Variants in HIKESHI observed in about 807,000 individuals in gnomAD.
The protein encoded by HIKESHI is protein Hikeshi.
HIKESHI carries 13 observed loss-of-function variants against 25.7 expected under a neutral mutation model. That is an observed-to-expected ratio of 0.51 (90% CI 0.33 to 0.80). HIKESHI has a LOEUF of 0.80. Among genes scored for constraint, HIKESHI ranks in the 30% least tolerant of loss-of-function variants. The probability of loss-of-function intolerance (pLI) is 0.02; values close to 1 mark genes in which losing one functional copy is unlikely to be tolerated. For synonymous variants in HIKESHI, 76 were observed against 78.7 expected (o/e 0.97, Z 0.18); for missense variants, 174 against 229.5 (o/e 0.76, Z 1.56).
chr11:86,340,133 C>T (rs1947685825), intron 3 of HIKESHI, among the ~76,000 whole-genome samples: 1 of 152,162 alleles, frequency 6.6e-6, no homozygotes, highest in Admixed American at 6.5e-5. Context: ...GCCACATTTT[C>T]TTAATCCAGT....
chr11:86,345,535 C>T, intron 4 of HIKESHI, 49 bp from the exon 5 acceptor site: 1 of 1,054,620 alleles, frequency 9.5e-7, no homozygotes, highest in Non-Finnish European at 1.4e-6. Context: ...AATGAAAGAT[C>T]CTATTTTAAT....
intron 1 of HIKESHI, 23 bp from the exon 2 acceptor site, chr11:86,306,222 G>A: frequency 6.5e-7 from 1 of 1,530,826 alleles, no homozygotes; most frequent in South Asian, 1.1e-5. Context: ...CCATTGAACT[G>A]AGACAAGTTT....
chr11:86,332,912 A>T (rs1385251820), intron 2 of HIKESHI, among the ~76,000 whole-genome samples: 2 of 152,262 alleles, frequency 1.3e-5, no homozygotes, highest in African/African-American at 4.8e-5. Flanking sequence ...ATTGCCCAAA[A>T]GATTATGCCA....
intron 2 of HIKESHI, among the ~76,000 whole-genome samples, chr11:86,309,359 C>G (rs1565721579): frequency 1.3e-5 from 2 of 152,132 alleles, no homozygotes; most frequent in African/African-American, 4.8e-5. Flanking sequence ...TGGCTACATA[C>G]ATGTCTTCTT....
At chr11:86,341,063 G>C (rs1947712244) in intron 3 of HIKESHI, among the ~76,000 whole-genome samples, 1 of 152,086 alleles carries the variant, frequency 6.6e-6, no homozygotes, top group Admixed American at 6.5e-5. Flanking sequence ...ATTTTTCCTA[G>C]TGTCTGTTAT....
rs763728939 is a variant in HIKESHI at position 86,337,362 on chromosome 11, A to G, written c.269-17A>G. 1.9e-6 allele frequency: 3 copies of G among 1,608,470 alleles called. No homozygotes were observed. The highest frequency in any genetic ancestry group is 3.4e-5 in the Admixed American group (2 of 59,056). On this transcript the variant is annotated splice_polypyrimidine_tract_variant and intron_variant, in intron 2 of 4. Coordinates refer to ENST00000278483, the MANE Select transcript of HIKESHI (RefSeq NM_016401.4). ...AAGTTTAATTTGAAATGTGTGTCAT[A>G]TGTTAATTTCTTGCAGGAGAAGGAA...
chr11:86,339,682 A>T (rs1203637187), intron 3 of HIKESHI, among the ~76,000 whole-genome samples: 1 of 152,188 alleles, frequency 6.6e-6, no homozygotes, highest in Non-Finnish European at 1.5e-5. Context: ...ACATGTTTCT[A>T]ATTTAATTAC....
At position 86,337,546 on chromosome 11, in the gene HIKESHI, T is replaced by G. The variant is rs1349288197; in HGVS notation, c.420+16T>G. ...ATTCACTCAGGTAATGCAACATACA[T>G]TTCATTCTTTACCTCCCCCTCCACT... On this transcript the variant is annotated intron_variant, in intron 3 of 4. Coordinates refer to ENST00000278483, the MANE Select transcript of HIKESHI (RefSeq NM_016401.4). The G allele has an allele frequency of 2.5e-6, 4 of 1,606,700 alleles. No individual in the cohort carries two copies. In the African/African-American group the frequency reaches 5.4e-5, roughly 22 times the overall value.
chr11:86,337,565 C>G, intron 3 of HIKESHI, 35 bp downstream of exon 3: 1 of 1,592,856 alleles, frequency 6.3e-7, no homozygotes, highest in Non-Finnish European at 8.6e-7. Flanking sequence ...TTACCTCCCC[C>G]TCCACTGCTT....
intron 2 of HIKESHI, among the ~76,000 whole-genome samples, chr11:86,331,594 A>C (rs2138385587): frequency 6.6e-6 from 1 of 152,250 alleles, no homozygotes; most frequent in South Asian, 2.1e-4. Context: ...CTTTGAGAAT[A>C]GGGATGTTTT....
chr11:86,334,915 C>T (rs372722007), intron 2 of HIKESHI, among the ~76,000 whole-genome samples: 2 of 152,316 alleles, frequency 1.3e-5, no homozygotes, highest in East Asian at 3.9e-4. Flanking sequence ...GTTGGGATTA[C>T]AGGATATGAG....
chr11:86,309,006 T>C (rs908543187), intron 2 of HIKESHI, among the ~76,000 whole-genome samples: 4 of 118,750 alleles, frequency 3.4e-5, no homozygotes, highest in African/African-American at 1.1e-4. Context: ...TCTTTGCTAT[T>C]GTGAATAGTG....
intron 2 of HIKESHI, among the ~76,000 whole-genome samples, chr11:86,327,509 T>G (rs1947314752): frequency 1.3e-5 from 2 of 152,158 alleles, no homozygotes; most frequent in South Asian, 4.2e-4. Flanking sequence ...AGAGACGGGG[T>G]TTCGCCTTCT....
chr11:86,308,712 C>T (rs1206801698), intron 2 of HIKESHI, among the ~76,000 whole-genome samples: 3 of 151,982 alleles, frequency 2.0e-5, no homozygotes. Context: ...AATGCTATCC[C>T]TCCCCACTCC....
intron 2 of HIKESHI, among the ~76,000 whole-genome samples, chr11:86,317,861 A>C (rs763273935): frequency 1.3e-5 from 2 of 152,186 alleles, no homozygotes; most frequent in Non-Finnish European, 2.9e-5. Flanking sequence ...AAATGTGAAG[A>C]ACAATAACTA....
intron 2 of HIKESHI, among the ~76,000 whole-genome samples, chr11:86,323,240 A>G (rs1947193914): frequency 6.6e-6 from 1 of 152,148 alleles, no homozygotes; most frequent in African/African-American, 2.4e-5. Context: ...TAAAAAAAAA[A>G]AGTAAAATAT....
At chr11:86,317,313 A>C (rs1441698150) in intron 2 of HIKESHI, among the ~76,000 whole-genome samples, 2 of 152,082 alleles carry the variant, frequency 1.3e-5, no homozygotes, top group Non-Finnish European at 2.9e-5. Context: ...ACAGAGCAAG[A>C]CTCTGTCTCA....
At chr11:86,326,389 A>G (rs1317548522) in intron 2 of HIKESHI, 1 of 430,630 alleles carries the variant, frequency 2.3e-6, no homozygotes, top group African/African-American at 2.0e-5. Flanking sequence ...TTGTTATATT[A>G]TGTAATTATC....
intron 2 of HIKESHI, among the ~76,000 whole-genome samples, chr11:86,306,994 T>G (rs1406932678): frequency 2.8e-5 from 4 of 145,208 alleles, no homozygotes; most frequent in African/African-American, 1.0e-4. Flanking sequence ...AGCGAGACTC[T>G]GTCTCAAAGA....
Sources: gnomAD v4.1 joint callset for allele counts (sites outside exome capture counted in the v4.1 genomes callset) on GRCh38, gnomAD v4.1.1 for gene constraint, MANE v1.5 for transcripts, NCBI Gene and HGNC (gene_info 2026-07-23, HGNC 2026-07-21) for gene names.